The following SP6 variants were observed in gnomAD, a reference collection of about 807,000 sequenced individuals.
SP6 encodes transcription factor Sp6.
A neutral mutation model predicts 23.4 loss-of-function variants in SP6; 10 were observed. The ratio of observed to expected loss-of-function variants is 0.43; its 90% CI spans 0.26 to 0.72. The LOEUF (loss-of-function observed/expected upper bound fraction) is 0.72. SP6 is among the 30% of genes least tolerant of loss of function. The probability of loss-of-function intolerance (pLI) is 0.23; values close to 1 mark genes in which losing one functional copy is unlikely to be tolerated. For synonymous variants in SP6, 238 were observed against 238.7 expected, an observed-to-expected ratio of 1.00 and a Z score of 0.03; for missense variants, 482 against 523.8, an observed-to-expected ratio of 0.92 and a Z score of 0.78.
At chr17:47,871,644 A>T in the SP6 span, among the ~76,000 whole-genome samples, 1 of 143,596 alleles carries the variant, frequency 7.0e-6, no homozygotes, top group Non-Finnish European at 1.5e-5. Flanking sequence ...TTTGAAACAG[A>T]GTTTTGCTCT....
At chr17:47,865,287 C>A in the SP6 span, 1 of 152,284 alleles carries the variant, frequency 6.6e-6, no homozygotes. Flanking sequence ...AAAGGGATTT[C>A]CGGGAGCCAT....
upstream of SP6, among the ~76,000 whole-genome samples, chr17:47,857,539 A>T (rs1010703711): frequency 6.6e-6 from 1 of 152,028 alleles, no homozygotes; most frequent in Non-Finnish European, 1.5e-5. Flanking sequence ...CCAGCCCTCA[A>T]CCTGGACCTT....
At chr17:47,858,235 G>A (rs1413566090), upstream of SP6, among the ~76,000 whole-genome samples, 2 of 151,660 alleles carry the variant, frequency 1.3e-5, no homozygotes, top group Non-Finnish European at 2.9e-5. Context: ...TCCTTGCCCA[G>A]CCTCCCTCCC....
At chr17:47,849,564 C>A (rs562686475) in intron 1 of SP6, among the ~76,000 whole-genome samples, 1 of 152,312 alleles carries the variant, frequency 6.6e-6, no homozygotes, top group South Asian at 2.1e-4. Flanking sequence ...TGTTGAGAAC[C>A]ACTGCTCCAG....
the SP6 span, among the ~76,000 whole-genome samples, chr17:47,867,269 CG>C: frequency 6.6e-4 from 100 of 152,096 alleles, 4 homozygotes; most frequent in East Asian, 0.019. Context: ...CAGAGACAGG[CG>C]GGGTCAGAAG....
chr17:47,848,259 C>T lies in SP6; in HGVS notation c.171G>A (p.Leu57=). 6.2e-7 allele frequency: 1 copy of T among 1,611,752 alleles called. No homozygotes were observed. Among genetic ancestry groups the T allele is most frequent in the Non-Finnish European group, 8.5e-7 (1 of 1,178,864 alleles). Residue 57 remains leucine (L), a synonymous_variant, in exon 2 of 2, where the codon CTG becomes CTA. Transcript: ENST00000536300. The surrounding 1 kb of genome is among the most constrained non-coding windows in gnomAD (Gnocchi z 5.3). ...CCTGCGAGAAGTCCACCTCCGGGCC[C>T]AGCGGGAGGCTCTGCAGCTCTCCAG... is the stretch of plus-strand genomic sequence containing the variant. ...LQPGELQSLP[L]GPEVDFSQGY...
At position 47,847,489 on chromosome 17, in the gene SP6, A is replaced by T. The variant is rs559160982; in HGVS notation, c.941T>A (p.Phe314Tyr). The change falls in exon 2 of 2, where the codon TTC becomes TAC. Residue 314 changes from phenylalanine (F) to tyrosine (Y), a missense_variant. Physicochemically the swap from Phe to Tyr is conservative, Grantham distance 22. Coordinates refer to ENST00000536300, the MANE Select transcript of SP6 (RefSeq NM_001258248.2). ...HLQTHTGTKK[F>Y]PCAVCSRVFM... ...GACGCGGCTGCAGACTGCACAGGGG[A>T]ACTTCTTGGTGCCGGTGTGGGTCTG... 2.9e-4 allele frequency: 462 copies of T among 1,613,588 alleles called. 6 individuals are homozygous for T. In the South Asian group the frequency reaches 4.7e-3, roughly 16 times the overall value.
At chr17:47,857,285 A>T (rs1250684173), upstream of SP6, among the ~76,000 whole-genome samples, 1 of 152,170 alleles carries the variant, frequency 6.6e-6, no homozygotes, top group Non-Finnish European at 1.5e-5. Flanking sequence ...AGCTGAGGAG[A>T]CCACACAGGT....
Position 47,848,472 on chromosome 17 carries a change from C to A in SP6, c.-43G>T. 1 of 1,456,412 alleles carries A rather than the reference C, an allele frequency of 6.9e-7. No homozygotes were observed. The highest frequency in any genetic ancestry group is 1.4e-5 in the South Asian group (1 of 69,150). The allele number at this position is 1,456,412 out of a possible 1,614,324, so 90.2% of individuals were successfully genotyped here. On this transcript the variant is annotated 5_prime_UTR_variant, in exon 2 of 2. Coordinates refer to ENST00000536300, the MANE Select transcript of SP6 (RefSeq NM_001258248.2). This position sits in a 1 kb window ranked among gnomAD's most constrained non-coding sequence, Gnocchi z 5.3. ...GGGTGAGGGCAGGGACGGTCAGGGG[C>A]ACCTCAGACGGGACCTAAAGGAGGC...
the SP6 span, among the ~76,000 whole-genome samples, chr17:47,866,334 G>A: frequency 9.9e-5 from 15 of 152,156 alleles, no homozygotes; most frequent in Non-Finnish European, 1.8e-4. Context: ...CTTGGAGAAT[G>A]AGGTCAAGGA....
upstream of SP6, among the ~76,000 whole-genome samples, chr17:47,860,158 C>A (rs1263957407): frequency 6.6e-6 from 1 of 152,156 alleles, no homozygotes; most frequent in African/African-American, 2.4e-5. Flanking sequence ...GGCTTCTACT[C>A]CATCCTTACC....
the SP6 span, among the ~76,000 whole-genome samples, chr17:47,868,444 C>T: frequency 3.3e-5 from 5 of 152,190 alleles, no homozygotes; most frequent in Non-Finnish European, 5.9e-5. Context: ...TCTTGGAAGC[C>T]ACTTGCCTAC....
chr17:47,858,755 C>T (rs1192505772), upstream of SP6, among the ~76,000 whole-genome samples: 6 of 141,898 alleles, frequency 4.2e-5, no homozygotes, highest in Admixed American at 4.3e-4. Context: ...TAATTAATGA[C>T]AGATGAAGCA....
upstream of SP6, chr17:47,855,992 A>T (rs946388826): frequency 2.6e-5 from 4 of 152,204 alleles, no homozygotes; most frequent in Non-Finnish European, 5.9e-5. Flanking sequence ...TGCAGGATGG[A>T]GGAAATGACA....
chr17:47,872,480 A>C, the SP6 span, among the ~76,000 whole-genome samples: 1 of 152,174 alleles, frequency 6.6e-6, no homozygotes, highest in African/African-American at 2.4e-5. Flanking sequence ...AGTAAGGCCC[A>C]GCGGACGCAG....
chr17:47,851,890 C>T (rs1036347579), upstream of SP6, among the ~76,000 whole-genome samples: 3 of 151,996 alleles, frequency 2.0e-5, no homozygotes, highest in East Asian at 1.9e-4. Flanking sequence ...TCTGCTTCCC[C>T]CCTACTCTGG....
At chr17:47,874,258 A>T in the SP6 span, among the ~76,000 whole-genome samples, 3 of 151,746 alleles carry the variant, frequency 2.0e-5, no homozygotes, top group East Asian at 3.9e-4. Flanking sequence ...GGCTAATTTT[A>T]AAAATTTTTT....
upstream of SP6, among the ~76,000 whole-genome samples, chr17:47,854,405 A>T (rs1428277966): frequency 6.6e-6 from 1 of 152,250 alleles, no homozygotes; most frequent in Non-Finnish European, 1.5e-5. Context: ...ACCCAAGATT[A>T]CAGAGTTGTT....
the SP6 span, among the ~76,000 whole-genome samples, chr17:47,861,669 G>A: frequency 6.6e-6 from 1 of 152,038 alleles, no homozygotes; most frequent in African/African-American, 2.4e-5. Context: ...GGAGGCAGAG[G>A]TTGCAGTGAG....
Sources: allele counts gnomAD v4.1 joint callset (sites outside exome capture counted in the v4.1 genomes callset), GRCh38; gene constraint gnomAD v4.1.1; non-coding constraint Gnocchi (gnomAD v3.1); transcripts MANE v1.5; gene names NCBI Gene and HGNC (gene_info 2026-07-23, HGNC 2026-07-21).